Variants in RAP2A observed in about 807,000 individuals in gnomAD.
RAP2A encodes the protein RAP2A, member of RAS oncogene family.
RAP2A carries 5 observed loss-of-function variants against 15.1 expected under a neutral mutation model. That is an observed-to-expected ratio of 0.33 (90% CI 0.17 to 0.70). The LOEUF is 0.70. Ranked by LOEUF, RAP2A falls within the 30% of genes least tolerant of loss-of-function variation. The probability of loss-of-function intolerance (pLI) is 0.68; values close to 1 mark genes in which losing one functional copy is unlikely to be tolerated. For missense variants in RAP2A, 111 were observed against 240.3 expected (o/e 0.46, Z 3.56); for synonymous variants, 110 against 99.7 (o/e 1.10, Z -0.62).
chr13:97,459,407 C>T (rs539191569), intron 1 of RAP2A, among the ~76,000 whole-genome samples: 1 of 152,288 alleles, frequency 6.6e-6, no homozygotes, highest in South Asian at 2.1e-4. Context: ...ACAGAGTCAG[C>T]CCTCTAAGTC....
intron 1 of RAP2A, among the ~76,000 whole-genome samples, chr13:97,454,204 T>C (rs1035025939): frequency 2.0e-5 from 3 of 151,348 alleles, no homozygotes; most frequent in African/African-American, 4.9e-5. Context: ...CTTTAACTTA[T>C]CTATTATATT....
rs1242085999 is a variant in RAP2A at position 97,434,331 on chromosome 13, A to G, written c.-140A>G. Reference sequence around the variant, plus strand: ...GTTGCCGCCGCCGCCGCCGGCGCCCAGGGGGCCGCCGCGGCTGTGAGGTGG... The same window carrying G: ...GTTGCCGCCGCCGCCGCCGGCGCCCGGGGGGCCGCCGCGGCTGTGAGGTGG... On this transcript the variant is annotated 5_prime_UTR_variant, in exon 1 of 2. Transcript: ENST00000245304. The G allele has an allele frequency of 1.1e-5, 6 of 566,374 alleles. No individual in the cohort carries two copies. The highest frequency in any genetic ancestry group is 1.1e-5 in the Non-Finnish European group (5 of 459,366). 35.1% of individuals were successfully genotyped at this position (566,374 alleles called of 1,614,324 possible).
rs930981206 is a variant in RAP2A, at chr13:97,465,446, T to C, written c.*1004T>C. ...TTCTCGCCTTTAAGGGCTATGGTTG[T>C]AGTGTGACCCGTGGCTAACCTGCTT... On this transcript the variant is annotated 3_prime_UTR_variant, in exon 2 of 2. Coordinates refer to ENST00000245304, the MANE Select transcript of RAP2A (RefSeq NM_021033.7). The C allele has an allele frequency of 6.6e-6, 1 of 152,666 alleles. No homozygotes were observed. The highest frequency in any genetic ancestry group is 2.4e-5 in the African/African-American group (1 of 41,462). 9.5% of individuals were successfully genotyped at this position (152,666 alleles called of 1,614,324 possible). A position where few individuals can be genotyped will look rare whatever the true frequency, so the allele number is the denominator to read the frequency against.
intron 1 of RAP2A, among the ~76,000 whole-genome samples, chr13:97,448,388 A>C (rs1350567981): frequency 3.3e-5 from 5 of 152,202 alleles, no homozygotes; most frequent in African/African-American, 1.2e-4. Context: ...TACAATATCC[A>C]CAGTACTTAT....
In RAP2A at chr13:97,440,912, A is replaced by G. The variant is rs530440841; in HGVS notation, c.314+6128A>G. ...TACAGTATTGTTAACTAGAAGTACTATTACCATACAGATGTCTGGGACTTA... is the reference window on the plus strand; with the variant it reads ...TACAGTATTGTTAACTAGAAGTACTGTTACCATACAGATGTCTGGGACTTA... On this transcript the variant is annotated intron_variant, in intron 1 of 1. Coordinates refer to ENST00000245304, the MANE Select transcript of RAP2A (RefSeq NM_021033.7). Among the ~76,000 whole-genome samples, 11 of 152,316 alleles carry G rather than the reference A, an allele frequency of 7.2e-5. 1 individual carries two copies. Among genetic ancestry groups the G allele is most frequent in the Admixed American group, 3.9e-4 (6 of 15,296 alleles).
chr13:97,437,972 C>T (rs1324573087), intron 1 of RAP2A, among the ~76,000 whole-genome samples: 2 of 152,160 alleles, frequency 1.3e-5, no homozygotes, highest in South Asian at 2.1e-4. Flanking sequence ...TACATACCTC[C>T]GTATACATAC....
chr13:97,461,991 T>TTC (rs1289252801), intron 1 of RAP2A, among the ~76,000 whole-genome samples: 9 of 145,104 alleles, frequency 6.2e-5, no homozygotes, highest in African/African-American at 2.3e-4. Context: ...TATATATATT[T>TTC]ATATATTTAT....
rs181219534 is a variant in RAP2A, at chr13:97,451,001, T to G, written c.315-13204T>G. ...TGTTGTACTTCAGTGTTAATATTCA[T>G]TATGCTTTCAGTCTTTAGCCAGTTT... On this transcript the variant is annotated intron_variant, in intron 1 of 1. Transcript: ENST00000245304. Among the ~76,000 whole-genome samples, 25 of 152,302 alleles carry G rather than the reference T, an allele frequency of 1.6e-4. No individual in the cohort carries two copies. The East Asian group carries it at 3.5e-3, about 21-fold the overall frequency.
intron 1 of RAP2A, among the ~76,000 whole-genome samples, chr13:97,448,757 A>G (rs553480540): frequency 3.9e-4 from 60 of 152,318 alleles, no homozygotes; most frequent in African/African-American, 1.4e-3. Context: ...TTGATGAGTA[A>G]CAAAGAACTC....
At chr13:97,446,869 ACT>A (rs1211903764) in intron 1 of RAP2A, among the ~76,000 whole-genome samples, 1 of 152,196 alleles carries the variant, frequency 6.6e-6, no homozygotes, top group Non-Finnish European at 1.5e-5. Context: ...GAACAGAAGA[ACT>A]GCCCAACTGA....
intron 1 of RAP2A, among the ~76,000 whole-genome samples, chr13:97,460,715 T>C (rs969600082): frequency 6.6e-6 from 1 of 152,112 alleles, no homozygotes; most frequent in East Asian, 1.9e-4. Context: ...TCCAGAGCCT[T>C]CTTAGAATGC....
intron 1 of RAP2A, among the ~76,000 whole-genome samples, chr13:97,462,549 C>T (rs961462918): frequency 1.3e-5 from 2 of 152,270 alleles, no homozygotes; most frequent in East Asian, 1.9e-4. Flanking sequence ...GTCTTATGTT[C>T]AGAGCTGTCA....
chr13:97,464,104 C>A, intron 1 of RAP2A, 101 bp from the exon 2 acceptor site: 2 of 998,046 alleles, frequency 2.0e-6, no homozygotes, highest in East Asian at 2.4e-5. Context: ...CTGAAGATAC[C>A]ATTTATGTTG....
chr13:97,442,846 T>A (rs1024271821), intron 1 of RAP2A, among the ~76,000 whole-genome samples: 1 of 152,234 alleles, frequency 6.6e-6, no homozygotes, highest in African/African-American at 2.4e-5. Flanking sequence ...TGTGAGTTAG[T>A]AAATACTACC....
chr13:97,458,621 G>A (rs2066733845), intron 1 of RAP2A, among the ~76,000 whole-genome samples: 1 of 152,140 alleles, frequency 6.6e-6, no homozygotes, highest in Non-Finnish European at 1.5e-5. Flanking sequence ...TGATCCCACA[G>A]ATTTAGATTA....
intron 1 of RAP2A, among the ~76,000 whole-genome samples, chr13:97,435,581 AT>A (rs907791456): frequency 6.6e-5 from 10 of 151,534 alleles, no homozygotes; most frequent in Non-Finnish European, 1.3e-4. Flanking sequence ...GTTAATGTTA[AT>A]AAGCCTTTAT....
At chr13:97,439,725 G>A (rs961108674) in intron 1 of RAP2A, among the ~76,000 whole-genome samples, 1 of 152,124 alleles carries the variant, frequency 6.6e-6, no homozygotes, top group Admixed American at 6.6e-5. Flanking sequence ...GAAATGAATG[G>A]ATATGGCTAA....
chr13:97,465,810 A>G lies in RAP2A; in HGVS notation c.*1368A>G, dbSNP rs1247862595. The G allele has an allele frequency of 1.3e-5, 2 of 152,236 alleles. No individual in the cohort carries two copies. Among genetic ancestry groups the G allele is most frequent in the Non-Finnish European group, 2.9e-5 (2 of 68,044 alleles). The allele number at this position is 152,236 out of a possible 1,614,324, so 9.4% of individuals were successfully genotyped here. Reference sequence around the variant, plus strand: ...CTATTCATAAGTTTTACAATCAAGTATAGAGGGGTCTTCAGCTAACTTAGT... The same window carrying G: ...CTATTCATAAGTTTTACAATCAAGTGTAGAGGGGTCTTCAGCTAACTTAGT... On this transcript the variant is annotated 3_prime_UTR_variant, in exon 2 of 2. Coordinates refer to ENST00000245304, the MANE Select transcript of RAP2A (RefSeq NM_021033.7).
chr13:97,440,964 C>T lies in RAP2A; in HGVS notation c.314+6180C>T, dbSNP rs146081168. Among the ~76,000 whole-genome samples, 25 of 152,336 alleles carry T rather than the reference C, an allele frequency of 1.6e-4. No homozygotes were observed. The East Asian group carries it at 4.2e-3, about 26-fold the overall frequency. On this transcript the variant is annotated intron_variant, in intron 1 of 1. Transcript: ENST00000245304. Reference sequence around the variant, plus strand: ...TTATCTTGCATAACTGAACTTCATACAGTGAATCACTTTATGTGGCCCAGA... The same window carrying T: ...TTATCTTGCATAACTGAACTTCATATAGTGAATCACTTTATGTGGCCCAGA...
Sources: allele counts gnomAD v4.1 joint callset (sites outside exome capture counted in the v4.1 genomes callset), GRCh38; gene constraint gnomAD v4.1.1; transcripts MANE v1.5; gene names NCBI Gene and HGNC (gene_info 2026-07-23, HGNC 2026-07-21).